The following WASF3 variants were observed in gnomAD, a reference collection of about 807,000 sequenced individuals.
The protein encoded by WASF3 is WASP family member 3, also known as actin-binding protein WASF3.
WASF3 carries 11 observed loss-of-function variants against 46.6 expected under a neutral mutation model. The observed-to-expected ratio is 0.24, with a 90% CI of 0.15 to 0.39. The LOEUF (loss-of-function observed/expected upper bound fraction) is 0.39. WASF3 is among the 10% of genes least tolerant of loss of function. The pLI is 1.00. For synonymous variants in WASF3, 242 were observed against 259.7 expected (o/e 0.93, Z 0.65); for missense variants, 576 against 669.8 (o/e 0.86, Z 1.55).
intron 6 of WASF3, among the ~76,000 whole-genome samples, chr13:26,675,864 C>A (rs1457730131): frequency 6.6e-6 from 1 of 152,106 alleles, no homozygotes; most frequent in Non-Finnish European, 1.5e-5. Context: ...GATTCTCATC[C>A]TTAAAGATCA....
chr13:26,664,582 A>G (rs944061443), intron 3 of WASF3, among the ~76,000 whole-genome samples: 2 of 152,248 alleles, frequency 1.3e-5, no homozygotes, highest in African/African-American at 4.8e-5. Flanking sequence ...GCCATTGGAA[A>G]GTGTTAGGCA....
intron 1 of WASF3, among the ~76,000 whole-genome samples, chr13:26,575,804 T>C (rs1879779682): frequency 6.6e-6 from 1 of 152,216 alleles, no homozygotes; most frequent in Admixed American, 6.5e-5. Flanking sequence ...CTAAGTCTGA[T>C]GCCAGGCTGA....
intron 1 of WASF3, among the ~76,000 whole-genome samples, chr13:26,599,257 A>G (rs1000966829): frequency 7.0e-6 from 1 of 142,152 alleles, no homozygotes; most frequent in Non-Finnish European, 1.5e-5. Context: ...ATCTCGACTC[A>G]CAGCAACCTC....
rs186054593 is a variant in WASF3 at position 26,607,372 on chromosome 13, G to T, written c.-108-5589G>T. Among the ~76,000 whole-genome samples the T allele has an allele frequency of 8.5e-4, 130 of 152,270 alleles. 1 individual carries two copies. The highest frequency in any genetic ancestry group is 3.0e-3 in the African/African-American group (126 of 41,554). On this transcript the variant is annotated intron_variant, in intron 1 of 9. Transcript: ENST00000335327. The stretch of plus-strand genomic sequence containing the variant: ...CTAGCATTGAATCGTACCTCATTCT[G>T]TAAAACAGGATGGGTGTTCCAGTGA...
At chr13:26,610,168 G>A (rs751602268) in intron 1 of WASF3, among the ~76,000 whole-genome samples, 2 of 152,070 alleles carry the variant, frequency 1.3e-5, no homozygotes, top group Non-Finnish European at 2.9e-5. Context: ...TTAATCTTCC[G>A]AGACCTACGT....
intron 1 of WASF3, chr13:26,606,519 C>G (rs1007950402): frequency 6.6e-6 from 1 of 150,744 alleles, no homozygotes; most frequent in Non-Finnish European, 1.5e-5. Context: ...CCATGCCCAG[C>G]TAATTTTTTT....
chr13:26,622,984 AT>A (rs1201272987), intron 2 of WASF3, among the ~76,000 whole-genome samples: 1 of 152,220 alleles, frequency 6.6e-6, no homozygotes, highest in Non-Finnish European at 1.5e-5. Context: ...CTTTTCTTAA[AT>A]CCCAAAGGGT....
At position 26,567,012 on chromosome 13, in the gene WASF3, T is replaced by C. The variant is rs1490019820; in HGVS notation, c.-109+9193T>C. On this transcript the variant is annotated intron_variant, in intron 1 of 9. Coordinates refer to ENST00000335327, the MANE Select transcript of WASF3 (RefSeq NM_006646.6). The stretch of plus-strand genomic sequence containing the variant: ...CACTTGGGGCTTTGAATTGGTTACA[T>C]TGAAAGGTGTAGTAGGTGATGTGCT... 2.0e-5 allele frequency among the ~76,000 whole-genome samples: 3 copies of C among 152,318 alleles called. No individual in the cohort carries two copies. In the East Asian group the frequency reaches 5.8e-4, roughly 29 times the overall value.
chr13:26,583,741 T>C (rs1383633116), intron 1 of WASF3, among the ~76,000 whole-genome samples: 1 of 152,234 alleles, frequency 6.6e-6, no homozygotes, highest in Non-Finnish European at 1.5e-5. Context: ...TTCGACCATC[T>C]TTTGAAGCCA....
At position 26,615,049 on chromosome 13, in the gene WASF3, G is replaced by A. The variant is rs527697032; in HGVS notation, c.-11+1991G>A. ...GGAGTGCTTTTTCTTAGGCATTTCC[G>A]TTGGTGTTTGTATTATGCCCATCAG... is the stretch of plus-strand genomic sequence containing the variant. On this transcript the variant is annotated intron_variant, in intron 2 of 9. Transcript: ENST00000335327. Among the ~76,000 whole-genome samples the A allele has an allele frequency of 7.0e-4, 106 of 152,114 alleles. 1 individual carries two copies. The highest frequency in any genetic ancestry group is 1.0e-3 in the Non-Finnish European group (69 of 68,010).
intron 7 of WASF3, among the ~76,000 whole-genome samples, chr13:26,678,752 T>C (rs1883139179): frequency 6.6e-6 from 1 of 152,242 alleles, no homozygotes; most frequent in Non-Finnish European, 1.5e-5. Flanking sequence ...ACCAGCTCTC[T>C]GTCACTGCCA....
intron 6 of WASF3, among the ~76,000 whole-genome samples, chr13:26,674,373 A>T (rs750930166): frequency 1.3e-5 from 2 of 152,208 alleles, no homozygotes; most frequent in Non-Finnish European, 2.9e-5. Context: ...CAGGATGCAT[A>T]TTGGAATCAC....
At chr13:26,554,078 T>C (rs1453697349), upstream of WASF3, among the ~76,000 whole-genome samples, 400 of 111,686 alleles carry the variant, frequency 3.6e-3, 9 homozygotes, top group African/African-American at 0.014. Context: ...CTTCCTTCCT[T>C]CCTTCCTTCC....
intron 3 of WASF3, 92 bp downstream of exon 3, chr13:26,642,495 C>A (rs1882029229): frequency 4.3e-6 from 6 of 1,401,732 alleles, no homozygotes; most frequent in Non-Finnish European, 5.7e-6. Flanking sequence ...GAAGAGATTG[C>A]AGCTTTAAGG....
In WASF3 at chr13:26,685,954, A is replaced by G; in HGVS notation, c.*109A>G. ...CCGTAGCATAGCACCTTTTGTATAA[A>G]CAATGTGATATTGCTTCTGCACATC... On this transcript the variant is annotated 3_prime_UTR_variant, in exon 10 of 10. Transcript: ENST00000335327. 7.1e-7 allele frequency: 1 copy of G among 1,409,898 alleles called. No homozygotes were observed. The highest frequency in any genetic ancestry group is 1.5e-5 in the South Asian group (1 of 68,554). The allele number at this position is 1,409,898 out of a possible 1,614,324, so 87.3% of individuals were successfully genotyped here.
Position 26,631,083 on chromosome 13 carries a change from A to C in WASF3, c.-10-11178A>C, listed in dbSNP as rs1247185078. On this transcript the variant is annotated intron_variant, in intron 2 of 9. Coordinates refer to ENST00000335327, the MANE Select transcript of WASF3 (RefSeq NM_006646.6). The stretch of plus-strand genomic sequence containing the variant: ...TTTGTCAGATGAGTAGATTGCAAAA[A>C]TTTTCTCCCATTCTGTAGGTTGCCT... 2.0e-5 allele frequency among the ~76,000 whole-genome samples: 3 copies of C among 152,018 alleles called. No individual in the cohort carries two copies. In the South Asian group the frequency reaches 6.2e-4, roughly 32 times the overall value.
intron 3 of WASF3, among the ~76,000 whole-genome samples, chr13:26,657,044 G>C (rs1882487818): frequency 6.6e-6 from 1 of 152,154 alleles, no homozygotes; most frequent in Non-Finnish European, 1.5e-5. Flanking sequence ...AATCACTGCT[G>C]GTCTTGTATA....
intron 2 of WASF3, chr13:26,620,427 A>T (rs1231815363): frequency 6.6e-6 from 1 of 152,222 alleles, no homozygotes; most frequent in Non-Finnish European, 1.5e-5. Context: ...TTTTTATCTA[A>T]TAGGAATTTA....
intron 1 of WASF3, among the ~76,000 whole-genome samples, chr13:26,564,253 G>A (rs1362112090): frequency 6.6e-6 from 1 of 152,194 alleles, no homozygotes; most frequent in Non-Finnish European, 1.5e-5. Flanking sequence ...CTTGTTGGCA[G>A]GAACCACATA....
Sources: gnomAD v4.1 joint callset for allele counts (sites outside exome capture counted in the v4.1 genomes callset) on GRCh38, gnomAD v4.1.1 for gene constraint, MANE v1.5 for transcripts, NCBI Gene and HGNC (gene_info 2026-07-23, HGNC 2026-07-21) for gene names.